Variants in TMEM268 observed in about 807,000 individuals in gnomAD.
TMEM268 encodes the protein transmembrane protein 268.
Under a neutral mutation model 39.1 loss-of-function variants are expected in TMEM268, and 24 were observed. The ratio of observed to expected loss-of-function variants is 0.61; its 90% CI spans 0.44 to 0.86. The LOEUF is 0.86. TMEM268 is among the 40% of genes least tolerant of loss of function. TMEM268 has a pLI of 0.00. For synonymous variants in TMEM268, 176 were observed against 173.5 expected, an observed-to-expected ratio of 1.01 and a Z score of -0.12; for missense variants, 409 against 428.6, an observed-to-expected ratio of 0.95 and a Z score of 0.40.
chr9:114,622,588 T>C (rs1174650889), intron 2 of TMEM268: 1 of 842,082 alleles, frequency 1.2e-6, no homozygotes, highest in East Asian at 1.2e-4. Context: ...TCTCATGGTC[T>C]GGCTTCATCC....
At chr9:114,636,206 T>C (rs926841265) in intron 6 of TMEM268, among the ~76,000 whole-genome samples, 1 of 152,150 alleles carries the variant, frequency 6.6e-6, no homozygotes, top group Non-Finnish European at 1.5e-5. Context: ...AAATTTAGCT[T>C]GGCCGGCCCC....
At chr9:114,641,021 G>A (rs914485179) in intron 8 of TMEM268, among the ~76,000 whole-genome samples, 19 of 152,046 alleles carry the variant, frequency 1.2e-4, no homozygotes, top group East Asian at 1.9e-4. Context: ...GATTACAGGC[G>A]TCTGCCATGA....
rs1284968475 is a variant in TMEM268, at chr9:114,643,298, G to A, written c.1014G>A (p.Pro338=). The A allele has an allele frequency of 4.3e-6, 7 of 1,613,926 alleles. No individual in the cohort carries two copies. Among genetic ancestry groups the A allele is most frequent in the African/African-American group, 1.3e-5 (1 of 74,920 alleles). The change falls in exon 9 of 9, where the codon CCG becomes CCA. Residue 338 remains proline, a synonymous_variant. Coordinates refer to ENST00000288502, the MANE Select transcript of TMEM268 (RefSeq NM_153045.4). The stretch of plus-strand genomic sequence containing the variant: ...ACATCCTAGGCACAGGGTGCTGCCC[G>A]TTCCTGGCGAGGTGACCTAGGGATG... ...EAYILGTGCC[P]FLAR is the part of the protein sequence containing the mutation.
rs1564280730 is a variant in TMEM268, at chr9:114,611,477, T to TGCGGC, written c.-164_-163insGGCGC. On this transcript the variant is annotated 5_prime_UTR_variant, in exon 1 of 9. Transcript: ENST00000288502. ...AGGCGTGCTGGGCGCGGGGCTGCGG[T>TGCGGC]GCCCAGAGGCTGCGGCATTAGGGGC... 6.6e-6 allele frequency: 1 copy of TGCGGC among 152,562 alleles called. No individual in the cohort carries two copies. The highest frequency in any genetic ancestry group is 2.4e-5 in the African/African-American group (1 of 40,824). The allele number at this position is 152,562 out of a possible 1,614,324, so 9.5% of individuals were successfully genotyped here. A position where few individuals can be genotyped will look rare whatever the true frequency, so the allele number is the denominator to read the frequency against.
intron 5 of TMEM268, among the ~76,000 whole-genome samples, chr9:114,631,679 C>T (rs1338069530): frequency 2.0e-5 from 3 of 152,164 alleles, no homozygotes; most frequent in African/African-American, 7.2e-5. Context: ...AAGAAATCCA[C>T]ATCAAATCCA....
chr9:114,635,700 TC>T (rs1564298934), intron 6 of TMEM268, among the ~76,000 whole-genome samples: 1 of 152,068 alleles, frequency 6.6e-6, no homozygotes, highest in African/African-American at 2.4e-5. Flanking sequence ...AATGGACACA[TC>T]TTTTTAGACA....
At chr9:114,638,473 G>T in intron 7 of TMEM268, 71 bp from the exon 8 acceptor site, 1 of 1,213,152 alleles carries the variant, frequency 8.2e-7, no homozygotes, top group Non-Finnish European at 1.1e-6. Context: ...CTGCAGCTTG[G>T]GGAGGGACTC....
At chr9:114,638,827 C>T (rs1846762075) in intron 8 of TMEM268, 101 bp downstream of exon 8, 2 of 857,814 alleles carry the variant, frequency 2.3e-6, no homozygotes, top group Non-Finnish European at 3.3e-6. Context: ...ACATGCTTCT[C>T]TCAGTTAGTA....
chr9:114,620,203 G>A (rs191340809), intron 2 of TMEM268, among the ~76,000 whole-genome samples: 4 of 151,906 alleles, frequency 2.6e-5, no homozygotes, highest in East Asian at 1.9e-4. Flanking sequence ...TGACAAGAGC[G>A]AAACTCCATC....
chr9:114,623,427 T>C (rs1678625817), intron 2 of TMEM268, among the ~76,000 whole-genome samples: 1 of 152,252 alleles, frequency 6.6e-6, no homozygotes, highest in Admixed American at 6.5e-5. Flanking sequence ...ATTATAGGTG[T>C]GAGCCATTGC....
chr9:114,642,473 G>T (rs1396021788), intron 8 of TMEM268, among the ~76,000 whole-genome samples: 1 of 151,724 alleles, frequency 6.6e-6, no homozygotes, highest in Non-Finnish European at 1.5e-5. Context: ...AACTAATTCT[G>T]CTATAATGGG....
At chr9:114,622,861 C>T (rs529882638) in intron 2 of TMEM268, among the ~76,000 whole-genome samples, 65 of 152,132 alleles carry the variant, frequency 4.3e-4, no homozygotes, top group Middle Eastern at 6.8e-3. Context: ...GAGGCCGAGG[C>T]GGGCAGATAA....
At chr9:114,607,070 C>T (rs1044484564), upstream of TMEM268, among the ~76,000 whole-genome samples, 2 of 152,142 alleles carry the variant, frequency 1.3e-5, no homozygotes, top group African/African-American at 4.8e-5. Flanking sequence ...GGTCTGTAAC[C>T]CTTACAGACA....
upstream of TMEM268, among the ~76,000 whole-genome samples, chr9:114,608,466 G>C (rs1033196653): frequency 2.0e-5 from 3 of 152,174 alleles, no homozygotes; most frequent in African/African-American, 7.2e-5. Context: ...CTAAGTTCAC[G>C]CTGGAGTGAC....
intron 5 of TMEM268, among the ~76,000 whole-genome samples, chr9:114,630,720 G>A (rs1238203890): frequency 6.6e-6 from 1 of 152,200 alleles, no homozygotes; most frequent in Non-Finnish European, 1.5e-5. Context: ...TAAAGTAAAT[G>A]CTTTGTAAGT....
Position 114,638,744 on chromosome 9 carries a change from T to C in TMEM268, c.849+18T>C. On this transcript the variant is annotated intron_variant, in intron 8 of 8. Coordinates refer to ENST00000288502, the MANE Select transcript of TMEM268 (RefSeq NM_153045.4). Reference sequence around the variant, plus strand: ...AGCCGGAGGTAACAGGCACTGGGGCTTGTTGGGGCCATCTTCCCTCGGGGG... The same window carrying C: ...AGCCGGAGGTAACAGGCACTGGGGCCTGTTGGGGCCATCTTCCCTCGGGGG... 1 of 1,524,750 alleles carries C rather than the reference T, an allele frequency of 6.6e-7. No individual in the cohort carries two copies. Among genetic ancestry groups the C allele is most frequent in the South Asian group, 1.3e-5 (1 of 77,816 alleles). The allele number at this position is 1,524,750 out of a possible 1,614,324, so 94.5% of individuals were successfully genotyped here.
upstream of TMEM268, among the ~76,000 whole-genome samples, chr9:114,610,064 A>G (rs1589319798): frequency 3.4e-5 from 5 of 147,306 alleles, no homozygotes. Context: ...TTTGAGATGG[A>G]GTTTTGCTCT....
chr9:114,619,041 G>A (rs765896049), intron 2 of TMEM268, among the ~76,000 whole-genome samples: 22 of 152,140 alleles, frequency 1.4e-4, no homozygotes, highest in Non-Finnish European at 2.5e-4. Flanking sequence ...GAATGTGGAG[G>A]GTTTTTTAGA....
intron 2 of TMEM268, 134 bp downstream of exon 2, chr9:114,617,435 C>G (rs991722706): frequency 2.7e-6 from 2 of 731,876 alleles, no homozygotes; most frequent in African/African-American, 3.5e-5. Context: ...TTTACCAGTT[C>G]TGTCTCTTGG....
Sources: gnomAD v4.1 joint callset for allele counts (sites outside exome capture counted in the v4.1 genomes callset) on GRCh38, gnomAD v4.1.1 for gene constraint, MANE v1.5 for transcripts, NCBI Gene and HGNC (gene_info 2026-07-23, HGNC 2026-07-21) for gene names.